RYR3: variants seen among roughly 807,000 people sequenced by gnomAD.
The protein encoded by RYR3 is brain ryanodine receptor-calcium release channel.
A neutral mutation model predicts 584.3 loss-of-function variants in RYR3; 207 were observed. The observed-to-expected ratio is 0.35, with a 90% CI of 0.32 to 0.40. The LOEUF (loss-of-function observed/expected upper bound fraction) is 0.40. RYR3 is among the 10% of genes least tolerant of loss of function. The probability of loss-of-function intolerance (pLI) is 1.00; values close to 1 mark genes in which losing one functional copy is unlikely to be tolerated. For synonymous variants in RYR3, 2,416 were observed against 2,248.5 expected, an observed-to-expected ratio of 1.07 and a Z score of -2.11; for missense variants, 5,616 against 6,089.2, an observed-to-expected ratio of 0.92 and a Z score of 2.59.
intron 69 of RYR3, among the ~76,000 whole-genome samples, chr15:33,806,700 A>T (rs146340192): frequency 4.4e-4 from 67 of 152,086 alleles, no homozygotes; most frequent in East Asian, 9.7e-4. Flanking sequence ...TTTTTTGGTG[A>T]TTCTGAATCA....
intron 19 of RYR3, among the ~76,000 whole-genome samples, chr15:33,617,461 C>A (rs2060511527): frequency 6.6e-6 from 1 of 152,096 alleles, no homozygotes; most frequent in Non-Finnish European, 1.5e-5. Context: ...TATTGTTTCA[C>A]CCAATACTGT....
intron 1 of RYR3, among the ~76,000 whole-genome samples, chr15:33,401,014 T>C (rs551963640): frequency 2.6e-5 from 4 of 152,346 alleles, no homozygotes; most frequent in Admixed American, 2.0e-4. Flanking sequence ...CTGTTGGTTC[T>C]GTAACATATA....
intron 1 of RYR3, among the ~76,000 whole-genome samples, chr15:33,455,567 A>T (rs2047481475): frequency 6.6e-6 from 1 of 152,212 alleles, no homozygotes; most frequent in Admixed American, 6.5e-5. Flanking sequence ...GTCCCTTGCC[A>T]CATAGGTCAA....
At chr15:33,738,650 A>G in intron 50 of RYR3, 60 bp downstream of exon 50, 6 of 1,584,468 alleles carry the variant, frequency 3.8e-6, no homozygotes, top group Non-Finnish European at 5.2e-6. Context: ...ATCTACAGAT[A>G]ATAACAGCCG....
chr15:33,716,243 C>G (rs1412187731), intron 43 of RYR3, among the ~76,000 whole-genome samples: 1 of 152,202 alleles, frequency 6.6e-6, no homozygotes, highest in East Asian at 1.9e-4. Flanking sequence ...ATAAATTACT[C>G]AGCCTCAGGT....
At chr15:33,379,923 G>C (rs2041061331) in intron 1 of RYR3, among the ~76,000 whole-genome samples, 1 of 152,012 alleles carries the variant, frequency 6.6e-6, no homozygotes, top group Non-Finnish European at 1.5e-5. Context: ...AAAGGCTGAA[G>C]AACCTGGAGT....
chr15:33,493,711 G>A (rs1409467752), intron 2 of RYR3, among the ~76,000 whole-genome samples: 3 of 152,248 alleles, frequency 2.0e-5, no homozygotes, highest in Non-Finnish European at 4.4e-5. Flanking sequence ...TTGGCTCACC[G>A]TATTTCTGCA....
chr15:33,558,487 C>T lies in RYR3; in HGVS notation c.973-4350C>T, dbSNP rs564031486. On this transcript the variant is annotated intron_variant, in intron 10 of 103. Transcript: ENST00000634891. ...GTATATGTGCCACATTTTCTTAATC[C>T]AGTCTATCATTGTTGGACATTTGGG... Among the ~76,000 whole-genome samples, 4 of 152,058 alleles carry T rather than the reference C, an allele frequency of 2.6e-5. No individual in the cohort carries two copies. In the East Asian group the frequency reaches 7.7e-4, roughly 29 times the overall value.
At chr15:33,807,512 C>A in intron 69 of RYR3, 43 bp from the exon 70 acceptor site, 1 of 1,549,552 alleles carries the variant, frequency 6.5e-7, no homozygotes, top group South Asian at 1.2e-5. Context: ...CTTTTACTGA[C>A]TGACTCTTCT....
At chr15:33,795,098 A>G (rs1410719918) in intron 67 of RYR3, among the ~76,000 whole-genome samples, 1 of 152,184 alleles carries the variant, frequency 6.6e-6, no homozygotes, top group African/African-American at 2.4e-5. Context: ...GCAGCTCTTT[A>G]AATATGTAAC....
At chr15:33,378,391 G>T (rs1374188859) in intron 1 of RYR3, among the ~76,000 whole-genome samples, 1 of 152,198 alleles carries the variant, frequency 6.6e-6, no homozygotes, top group Non-Finnish European at 1.5e-5. Flanking sequence ...GAAGTGTCAA[G>T]TGGTCAGAGA....
At chr15:33,718,351 T>C (rs1178062009) in intron 43 of RYR3, among the ~76,000 whole-genome samples, 1 of 152,190 alleles carries the variant, frequency 6.6e-6, no homozygotes, top group African/African-American at 2.4e-5. Flanking sequence ...GTCTATTGAC[T>C]TATTGAAGAA....
chr15:33,774,923 CCTCAGTATCTTT>C (rs1288282585), intron 64 of RYR3, among the ~76,000 whole-genome samples: 2 of 150,300 alleles, frequency 1.3e-5, no homozygotes, highest in East Asian at 3.9e-4. Context: ...GTAAATACAT[CCTCAGTATCTTT>C]CTCATTCTCT....
Position 33,311,221 on chromosome 15 carries a change from C to T in RYR3, c.51+125C>T. The T allele has an allele frequency of 2.9e-6, 2 of 683,560 alleles. No homozygotes were observed. The highest frequency in any genetic ancestry group is 4.3e-5 in the South Asian group (1 of 23,310). 42.3% of individuals were successfully genotyped at this position (683,560 alleles called of 1,614,324 possible). A position where few individuals can be genotyped will look rare whatever the true frequency, so the allele number is the denominator to read the frequency against. On this transcript the variant is annotated intron_variant, in intron 1 of 103. Coordinates refer to ENST00000634891, the MANE Select transcript of RYR3 (RefSeq NM_001036.6). The surrounding 1 kb of genome is among the most constrained non-coding windows in gnomAD (Gnocchi z 4.4). ...CGGTGCCGGGCGCTTTCTCCGCACCCGCGGGCTGCAGAGGCGGACCGGCCA... is the reference window on the plus strand; with the variant it reads ...CGGTGCCGGGCGCTTTCTCCGCACCTGCGGGCTGCAGAGGCGGACCGGCCA...
chr15:33,752,568 G>T (rs530676003), intron 57 of RYR3, among the ~76,000 whole-genome samples: 1 of 152,210 alleles, frequency 6.6e-6, no homozygotes, highest in South Asian at 2.1e-4. Flanking sequence ...TGTGATTTTT[G>T]CACATTGATT....
At chr15:33,792,372 A>T (rs2075213847) in intron 67 of RYR3, among the ~76,000 whole-genome samples, 1 of 152,122 alleles carries the variant, frequency 6.6e-6, no homozygotes. Flanking sequence ...CGAGTCCTTC[A>T]GGAGGGGCAC....
At chr15:33,801,740 T>C (rs2075929353) in intron 68 of RYR3, 129 bp from the exon 69 acceptor site, 3 of 615,328 alleles carry the variant, frequency 4.9e-6, no homozygotes, top group Non-Finnish European at 8.8e-6. Context: ...GAATTAGTTT[T>C]TCACGTGTCT....
chr15:33,835,817 A>T (rs1449453613), intron 87 of RYR3, among the ~76,000 whole-genome samples: 2 of 152,186 alleles, frequency 1.3e-5, no homozygotes, highest in Non-Finnish European at 2.9e-5. Context: ...GCAATTTGAC[A>T]GTAAGATGTC....
intron 5 of RYR3, among the ~76,000 whole-genome samples, chr15:33,538,694 G>A (rs1300732631): frequency 6.6e-6 from 1 of 152,170 alleles, no homozygotes; most frequent in Non-Finnish European, 1.5e-5. Context: ...GGTAGCTGGT[G>A]CTTCCAAGTC....
Sources: gnomAD v4.1 joint callset for allele counts (sites outside exome capture counted in the v4.1 genomes callset) on GRCh38, gnomAD v4.1.1 for gene constraint, Gnocchi (gnomAD v3.1) non-coding constraint, MANE v1.5 for transcripts, NCBI Gene and HGNC (gene_info 2026-07-23, HGNC 2026-07-21) for gene names.